KLHL32: variants seen among roughly 807,000 people sequenced by gnomAD.
The protein encoded by KLHL32 is kelch like family member 32.
Under a neutral mutation model 64.8 loss-of-function variants are expected in KLHL32, and 35 were observed. That is an observed-to-expected ratio of 0.54 (90% confidence interval 0.41 to 0.72). KLHL32 has a LOEUF of 0.72. Among genes scored for constraint, KLHL32 ranks in the 30% least tolerant of loss-of-function variants. The pLI is 0.00. For synonymous variants in KLHL32, 259 were observed against 281.0 expected (o/e 0.92, Z 0.78); for missense variants, 589 against 768.5 (o/e 0.77, Z 2.76).
At chr6:97,075,000 T>C (rs1791375416) in intron 5 of KLHL32, among the ~76,000 whole-genome samples, 1 of 152,154 alleles carries the variant, frequency 6.6e-6, no homozygotes, top group Non-Finnish European at 1.5e-5. Flanking sequence ...TTATTAGTTA[T>C]TGTTGACGGC....
At chr6:97,047,716 C>G (rs1050571942) in intron 4 of KLHL32, among the ~76,000 whole-genome samples, 3 of 152,004 alleles carry the variant, frequency 2.0e-5, no homozygotes, top group African/African-American at 7.2e-5. Flanking sequence ...GAGATGGATC[C>G]CAGTCCAAAC....
chr6:96,914,847 T>C, the KLHL32 span: 1 of 152,304 alleles, frequency 6.6e-6, no homozygotes, highest in African/African-American at 2.4e-5. Flanking sequence ...TGGTTCCCTG[T>C]TCCCGGGAGG....
At chr6:97,035,604 A>G (rs1292124414) in intron 3 of KLHL32, among the ~76,000 whole-genome samples, 1 of 151,942 alleles carries the variant, frequency 6.6e-6, no homozygotes, top group African/African-American at 2.4e-5. Flanking sequence ...TTTGCCAGAT[A>G]TTGTATACTT....
chr6:97,101,510 G>A (rs544176700), intron 6 of KLHL32, among the ~76,000 whole-genome samples: 6 of 152,284 alleles, frequency 3.9e-5, no homozygotes, highest in African/African-American at 7.2e-5. Context: ...TTAAGAAAAC[G>A]AGAAGTGTTT....
Position 97,028,109 on chromosome 6 carries a change from C to G in KLHL32, c.205-13383C>G, listed in dbSNP as rs545965829. Among the ~76,000 whole-genome samples the G allele has an allele frequency of 2.0e-5, 3 of 152,202 alleles. No individual in the cohort carries two copies. In the East Asian group the frequency reaches 5.8e-4, roughly 29 times the overall value. On this transcript the variant is annotated intron_variant, in intron 3 of 10. Transcript: ENST00000369261. ...AAGGAGTGCTGCAAGGCGGGGAGGA[C>G]TGACTACCCCAGCTGTGCTTCTCAA...
chr6:96,907,084 A>G, the KLHL32 span, among the ~76,000 whole-genome samples: 1 of 152,342 alleles, frequency 6.6e-6, no homozygotes, highest in East Asian at 1.9e-4. Flanking sequence ...GTAAGAAATT[A>G]TAAGTATTTA....
intron 1 of KLHL32, among the ~76,000 whole-genome samples, chr6:96,938,686 C>T (rs558999088): frequency 9.9e-4 from 150 of 152,270 alleles, no homozygotes; most frequent in South Asian, 1.9e-3. Context: ...TGGAAATAGA[C>T]GGGCCTAAGC....
chr6:97,024,006 T>C (rs1235369955), intron 3 of KLHL32, among the ~76,000 whole-genome samples: 3 of 152,228 alleles, frequency 2.0e-5, no homozygotes, highest in Non-Finnish European at 4.4e-5. Flanking sequence ...GAAAATGTGC[T>C]TAATTTGTCA....
chr6:97,027,500 G>C (rs894802764), intron 3 of KLHL32, among the ~76,000 whole-genome samples: 4 of 152,150 alleles, frequency 2.6e-5, no homozygotes, highest in Admixed American at 6.5e-5. Context: ...CTTTGAGGTA[G>C]CCACATGAAA....
In KLHL32 at chr6:97,064,725, AGGTATGTGAGCTTGCATCCT is replaced by A. The variant is rs773440589; in HGVS notation, c.411+1_411+20del. On this transcript the variant is annotated splice_donor_variant and splice_donor_5th_base_variant and coding_sequence_variant and intron_variant, in exon 5 of 11. Transcript: ENST00000369261. LOFTEE classifies it high-confidence loss of function. ...AATTTATGCTCCCACTATCTCATCC[AGGTATGTGAGCTTGCATCCT>A]GCTCATACACCCTTCACATTCCTTT... is the stretch of plus-strand genomic sequence containing the variant. The A allele has an allele frequency of 1.2e-6, 2 of 1,611,188 alleles. No individual in the cohort carries two copies. The highest frequency in any genetic ancestry group is 8.5e-7 in the Non-Finnish European group (1 of 1,177,292).
At chr6:97,083,219 A>G (rs1478485565) in intron 5 of KLHL32, among the ~76,000 whole-genome samples, 1 of 152,042 alleles carries the variant, frequency 6.6e-6, no homozygotes, top group Non-Finnish European at 1.5e-5. Flanking sequence ...GTGAAACCCC[A>G]TCTCTACTAA....
At chr6:97,058,610 T>A (rs894273489) in intron 4 of KLHL32, among the ~76,000 whole-genome samples, 3 of 152,178 alleles carry the variant, frequency 2.0e-5, no homozygotes, top group African/African-American at 7.2e-5. Flanking sequence ...ACCCAGCCAA[T>A]GAGATGTAAA....
At chr6:97,023,124 C>A (rs1562252921) in intron 3 of KLHL32, among the ~76,000 whole-genome samples, 1 of 152,136 alleles carries the variant, frequency 6.6e-6, no homozygotes, top group Non-Finnish European at 1.5e-5. Context: ...ATGAGGATTA[C>A]AATTTGAGAT....
intron 1 of KLHL32, among the ~76,000 whole-genome samples, chr6:96,930,521 A>G (rs56078543): frequency 0.13 from 19,636 of 152,178 alleles, 1,552 homozygotes; most frequent in East Asian, 0.26. Flanking sequence ...GTTGGTGTGT[A>G]ATAAAATCTC....
chr6:96,999,746 G>A (rs1315382000), intron 3 of KLHL32, among the ~76,000 whole-genome samples: 1 of 151,784 alleles, frequency 6.6e-6, no homozygotes, highest in Non-Finnish European at 1.5e-5. Context: ...AGTAGCTATT[G>A]GTACTTCCTG....
the KLHL32 span, chr6:96,914,928 G>A: frequency 6.6e-6 from 1 of 152,070 alleles, no homozygotes; most frequent in African/African-American, 2.4e-5. Context: ...GAACCCCTGG[G>A]CTGAAGCCAT....
chr6:96,963,854 C>G (rs1213493524), intron 1 of KLHL32, among the ~76,000 whole-genome samples: 2 of 152,330 alleles, frequency 1.3e-5, no homozygotes, highest in East Asian at 3.9e-4. Flanking sequence ...TGAAAAAGAG[C>G]TCAGAGGAGC....
chr6:97,056,189 T>A (rs1329249496), intron 4 of KLHL32, among the ~76,000 whole-genome samples: 1 of 142,910 alleles, frequency 7.0e-6, no homozygotes, highest in Non-Finnish European at 1.5e-5. Context: ...CACTGGAAGC[T>A]CCGCTTCCCG....
intron 1 of KLHL32, among the ~76,000 whole-genome samples, chr6:96,925,278 A>G (rs532569168): frequency 7.2e-4 from 109 of 152,046 alleles, no homozygotes; most frequent in African/African-American, 2.6e-3. Context: ...TGCCAAGGAG[A>G]CTTGCTTAAA....
Sources: gnomAD v4.1 joint callset for allele counts (sites outside exome capture counted in the v4.1 genomes callset) on GRCh38, gnomAD v4.1.1 for gene constraint, MANE v1.5 for transcripts, NCBI Gene and HGNC (gene_info 2026-07-23, HGNC 2026-07-21) for gene names.